DSP: variants seen among roughly 807,000 people sequenced by gnomAD.
DSP encodes the protein desmoplakin, also known as 250/210 kDa paraneoplastic pemphigus antigen.
In DSP, 114 loss-of-function variants were observed where a neutral mutation model predicts 290.6. That is an observed-to-expected ratio of 0.39 (90% CI 0.34 to 0.46). The LOEUF (loss-of-function observed/expected upper bound fraction) is 0.46, where lower values mean the gene tolerates loss of function less well. Ranked by LOEUF, DSP falls within the 20% of genes least tolerant of loss-of-function variation. DSP has a pLI of 0.99. For missense variants in DSP, 3,230 were observed against 3,495.8 expected, an observed-to-expected ratio of 0.92 and a Z score of 1.92; for synonymous variants, 1,311 against 1,316.4, an observed-to-expected ratio of 1.00 and a Z score of 0.09.
rs1581820044 is a variant in DSP, at chr6:7,582,480, A to G, written c.5380-162A>G. The stretch of plus-strand genomic sequence containing the variant: ...TACAGAATTTTTCCCACAAATTTGT[A>G]AAATAACAAGCTCACAGTGTATCCA... On this transcript the variant is annotated intron_variant, in intron 23 of 23. Coordinates refer to ENST00000379802, the MANE Select transcript of DSP (RefSeq NM_004415.4). This position sits in a 1 kb window ranked among gnomAD's most constrained non-coding sequence, Gnocchi z 4.2. Among the ~76,000 whole-genome samples, 5 of 152,194 alleles carry G rather than the reference A, an allele frequency of 3.3e-5. 1 individual carries two copies. The South Asian group carries it at 1.0e-3, about 32-fold the overall frequency.
intron 4 of DSP, 88 bp from the exon 5 acceptor site, chr6:7,562,564 C>G: frequency 2.5e-6 from 4 of 1,599,244 alleles, no homozygotes; most frequent in Non-Finnish European, 3.4e-6. Context: ...TTGGTTCTAT[C>G]TGAAGTAAAG....
chr6:7,542,408 G>A (rs1433984965), intron 1 of DSP, among the ~76,000 whole-genome samples: 1 of 152,164 alleles, frequency 6.6e-6, no homozygotes, highest in Non-Finnish European at 1.5e-5. Context: ...CTTTGTCCCA[G>A]CCCGCGAATG....
intron 1 of DSP, among the ~76,000 whole-genome samples, chr6:7,548,361 T>G (rs1758231949): frequency 6.6e-6 from 1 of 152,044 alleles, no homozygotes. Context: ...GCCTCTGCAG[T>G]GCCCCTCTGA....
chr6:7,574,516 A>G, intron 16 of DSP, 141 bp from the exon 17 acceptor site: 1 of 1,260,436 alleles, frequency 7.9e-7, no homozygotes, highest in Non-Finnish European at 1.1e-6. Context: ...GTTGGTCTGA[A>G]TCACAATAGA....
intron 13 of DSP, 113 bp downstream of exon 13, chr6:7,570,676 T>A (rs1759019663): frequency 1.1e-5 from 17 of 1,486,362 alleles, no homozygotes; most frequent in Non-Finnish European, 1.6e-5. Context: ...TTGTGTCTCG[T>A]CAAGCAAGTC....
intron 1 of DSP, among the ~76,000 whole-genome samples, chr6:7,542,654 G>A (rs1419403312): frequency 6.6e-6 from 1 of 152,134 alleles, no homozygotes; most frequent in Non-Finnish European, 1.5e-5. Context: ...CGTCCCGGCG[G>A]CGCGGGGTCC....
chr6:7,559,140 A>G (rs1272727725), intron 3 of DSP, 86 bp from the exon 4 acceptor site: 2 of 1,483,112 alleles, frequency 1.3e-6, no homozygotes, highest in East Asian at 2.3e-5. Flanking sequence ...TATTGACACA[A>G]AAGACTCAGA....
intron 1 of DSP, among the ~76,000 whole-genome samples, chr6:7,553,249 C>T (rs186843072): frequency 6.6e-6 from 1 of 152,216 alleles, no homozygotes; most frequent in Non-Finnish European, 1.5e-5. Flanking sequence ...GGATTACAGG[C>T]GTGCCCCACC....
chr6:7,554,552 C>A (rs548651328), intron 1 of DSP, among the ~76,000 whole-genome samples: 1 of 151,878 alleles, frequency 6.6e-6, no homozygotes, highest in East Asian at 1.9e-4. Flanking sequence ...GTTTGTTTTG[C>A]GATAAAGACA....
At position 7,581,317 on chromosome 6, in the gene DSP, C is replaced by T; in HGVS notation, c.5127C>T (p.Leu1709=). Residue 1709 remains leucine (L), a synonymous_variant, in exon 23 of 24, where the codon CTC becomes CTT. Coordinates refer to ENST00000379802, the MANE Select transcript of DSP (RefSeq NM_004415.4). ...SKIEIERLQS[L]TENLTKEHLM... ...TAGAAATTGAGAGGCTGCAGTCTCTCACAGAGAACCTGACCAAGGAGCACT... is the reference window on the plus strand; with the variant it reads ...TAGAAATTGAGAGGCTGCAGTCTCTTACAGAGAACCTGACCAAGGAGCACT... 2 of 1,614,190 alleles carry T rather than the reference C, an allele frequency of 1.2e-6. No individual in the cohort carries two copies. Among genetic ancestry groups the T allele is most frequent in the Non-Finnish European group, 1.7e-6 (2 of 1,180,046 alleles).
chr6:7,559,101 CA>C, intron 3 of DSP, 124 bp from the exon 4 acceptor site: 1 of 1,120,826 alleles, frequency 8.9e-7, no homozygotes. Flanking sequence ...AAAAAATCTT[CA>C]AATACCATAA....
rs1258853772 is a variant in DSP at position 7,585,854 on chromosome 6, T to C, written c.8592T>C (p.Phe2864=). The C allele has an allele frequency of 1.2e-6, 2 of 1,614,132 alleles. No individual in the cohort carries two copies. The highest frequency in any genetic ancestry group is 1.7e-6 in the Non-Finnish European group (2 of 1,180,036). Residue 2864 remains phenylalanine (F), a synonymous_variant, in exon 24 of 24, where the codon TTT becomes TTC. Transcript: ENST00000379802. ...GNSSYSYSYS[F]SSSSIGH Reference sequence around the variant, plus strand: ...CTTCCTACTCTTATTCCTACTCATTTAGCAGTAGTTCTATTGGGCACTAGT... The same window carrying C: ...CTTCCTACTCTTATTCCTACTCATTCAGCAGTAGTTCTATTGGGCACTAGT...
At chr6:7,545,418 G>T (rs1252630458) in intron 1 of DSP, among the ~76,000 whole-genome samples, 2 of 152,208 alleles carry the variant, frequency 1.3e-5, no homozygotes, top group Non-Finnish European at 2.9e-5. Flanking sequence ...CTTAGGGCTG[G>T]GTTGGCCTGA....
At position 7,579,693 on chromosome 6, in the gene DSP, A is replaced by G. The variant is rs747920449; in HGVS notation, c.3503A>G (p.Glu1168Gly). The change falls in exon 23 of 24, where the codon GAG (glutamate) becomes GGG (glycine). Residue 1168 changes from glutamate (E) to glycine (G), a missense_variant. By Grantham distance (98) the Glu-to-Gly change is moderately conservative. Transcript: ENST00000379802. The surrounding 1 kb of genome is among the most constrained non-coding windows in gnomAD (Gnocchi z 4.1). Reference sequence around the variant, plus strand: ...TCTGAGAAAGCCATCAAGGAGAAGGAGTACGAGATTGAAAGGTTGAGGGTT... The same window carrying G: ...TCTGAGAAAGCCATCAAGGAGAAGGGGTACGAGATTGAAAGGTTGAGGGTT... ...LESEKAIKEKEYEIERLRVLL... is the reference protein window; with the variant it reads ...LESEKAIKEKGYEIERLRVLL... 5.0e-6 allele frequency: 8 copies of G among 1,613,734 alleles called. No homozygotes were observed. The South Asian group carries it at 8.8e-5, about 18-fold the overall frequency.
At chr6:7,569,165 C>G (rs908695240) in intron 11 of DSP, 21 bp from the exon 12 acceptor site, 3 of 1,614,004 alleles carry the variant, frequency 1.9e-6, no homozygotes, top group Admixed American at 3.3e-5. Flanking sequence ...AAGCCAAACC[C>G]TGGGGTTGCT....
At chr6:7,576,926 T>G in intron 19 of DSP, 33 bp from the exon 20 acceptor site, 1 of 1,570,772 alleles carries the variant, frequency 6.4e-7, no homozygotes, top group African/African-American at 1.3e-5. Flanking sequence ...TTTGTATGCA[T>G]TAACATTGGT....
intron 16 of DSP, 100 bp downstream of exon 16, chr6:7,574,352 C>A (rs996520435): frequency 8.0e-7 from 1 of 1,255,696 alleles, no homozygotes. Flanking sequence ...TTCTCTGTTA[C>A]TAGAGATTTA....
At chr6:7,563,331 A>T (rs11754421) in intron 5 of DSP, among the ~76,000 whole-genome samples, 37,277 of 121,686 alleles carry the variant, frequency 0.31, 5,124 homozygotes, top group East Asian at 0.47. Context: ...TTTTTTTTTT[A>T]CCTGAGACCA....
At position 7,585,813 on chromosome 6, in the gene DSP, G is replaced by A; in HGVS notation, c.8551G>A (p.Asp2851Asn). ...CAGTGGGTCCCGGAGAGGAAGCTTT[G>A]ACGCCACAGGGAATTCTTCCTACTC... ...SRSGSRRGSF[D>N]ATGNSSYSYS... The change falls in exon 24 of 24, where the codon GAC becomes AAC. Residue 2851 changes from aspartate (D) to asparagine (N), a missense_variant. Around this residue, in one of 5 missense-constraint regions of DSP, gnomAD observed 582 missense variants for 555.4 expected, o/e 1.05. Coordinates refer to ENST00000379802, the MANE Select transcript of DSP (RefSeq NM_004415.4). 6.2e-7 allele frequency: 1 copy of A among 1,611,270 alleles called. No homozygotes were observed. Among genetic ancestry groups the A allele is most frequent in the Non-Finnish European group, 8.5e-7 (1 of 1,179,316 alleles).
Sources: allele counts gnomAD v4.1 joint callset (sites outside exome capture counted in the v4.1 genomes callset), GRCh38; gene constraint gnomAD v4.1.1; regional missense constraint gnomAD v4.1.1; non-coding constraint Gnocchi (gnomAD v3.1); transcripts MANE v1.5; gene names NCBI Gene and HGNC (gene_info 2026-07-23, HGNC 2026-07-21).